The following U2SURP variants were observed in gnomAD, a reference collection of about 807,000 sequenced individuals.
The protein encoded by U2SURP is U2 snRNP associated SURP domain containing, also known as U2 snRNP-associated SURP motif-containing protein.
U2SURP carries 9 observed loss-of-function variants against 144.9 expected under a neutral mutation model. The ratio of observed to expected loss-of-function variants is 0.06; its 90% CI spans 0.04 to 0.11. U2SURP has a LOEUF of 0.11. Among genes scored for constraint, U2SURP ranks in the 10% least tolerant of loss-of-function variants. The pLI, the probability that U2SURP is intolerant of heterozygous loss-of-function variation, is 1.00. For synonymous variants in U2SURP, 408 were observed against 396.8 expected, an observed-to-expected ratio of 1.03 and a Z score of -0.33; for missense variants, 724 against 1,226.7, an observed-to-expected ratio of 0.59 and a Z score of 6.12.
chr3:143,018,902 G>C, intron 6 of U2SURP, among the ~76,000 whole-genome samples: 1 of 152,144 alleles, frequency 6.6e-6, no homozygotes, highest in East Asian at 1.9e-4. Flanking sequence ...TCCAGCCTGG[G>C]CAACAAGAGC....
At chr3:143,042,195 T>C (rs1934151047) in intron 23 of U2SURP, among the ~76,000 whole-genome samples, 1 of 152,076 alleles carries the variant, frequency 6.6e-6, no homozygotes. Flanking sequence ...CTCTCAGGTT[T>C]TTATTTTCTT....
chr3:143,030,207 T>C (rs1933400144), intron 16 of U2SURP, among the ~76,000 whole-genome samples: 1 of 152,178 alleles, frequency 6.6e-6, no homozygotes, highest in Non-Finnish European at 1.5e-5. Flanking sequence ...TTTAGCACTT[T>C]TATAACTAGA....
At chr3:143,024,337 A>T (rs1933002312) in intron 13 of U2SURP, 1 of 374,820 alleles carries the variant, frequency 2.7e-6, no homozygotes, top group Non-Finnish European at 5.0e-6. Context: ...AGTGTGTCGT[A>T]AATTTCAGAT....
intron 1 of U2SURP, among the ~76,000 whole-genome samples, chr3:143,007,991 G>A (rs368784400): frequency 6.6e-6 from 1 of 152,220 alleles, no homozygotes; most frequent in African/African-American, 2.4e-5. Flanking sequence ...CTGTAGGTAT[G>A]TATCAGTGGA....
In U2SURP at chr3:143,024,023, A is replaced by C; in HGVS notation, c.1274+5A>C. 1 of 1,611,972 alleles carries C rather than the reference A, an allele frequency of 6.2e-7. No homozygotes were observed. The highest frequency in any genetic ancestry group is 8.5e-7 in the Non-Finnish European group (1 of 1,178,294). ...AGTGGTTATCCCAACAGAAAGGTAC[A>C]TGTTTTTCTTTATTATTACTGATCT... On this transcript the variant is annotated splice_donor_5th_base_variant and intron_variant, in intron 13 of 27. Transcript: ENST00000473835.
At chr3:143,028,742 T>A (rs2108290711) in intron 16 of U2SURP, 96 bp downstream of exon 16, 1 of 1,061,632 alleles carries the variant, frequency 9.4e-7, no homozygotes, top group Non-Finnish European at 1.3e-6. Context: ...CTAAAATAAA[T>A]TTTTTTCACT....
At position 143,058,536 on chromosome 3, in the gene U2SURP, G is replaced by C. The variant is rs990856916; in HGVS notation, c.*2086G>C. Reference sequence around the variant, plus strand: ...AGGCCTGATAGAATATATATTCTGTGAAGTTTGTTAATGTACATATTAGAT... The same window carrying C: ...AGGCCTGATAGAATATATATTCTGTCAAGTTTGTTAATGTACATATTAGAT... On this transcript the variant is annotated 3_prime_UTR_variant, in exon 28 of 28. Transcript: ENST00000473835. 2.0e-5 allele frequency: 3 copies of C among 151,776 alleles called. No homozygotes were observed. 9.4% of individuals were successfully genotyped at this position (151,776 alleles called of 1,614,324 possible).
chr3:143,023,130 T>C, intron 12 of U2SURP, 66 bp downstream of exon 12: 1 of 1,322,000 alleles, frequency 7.6e-7, no homozygotes. Context: ...GTAGTATTTC[T>C]TTTCAACAAT....
chr3:143,043,082 C>T (rs371469709), intron 23 of U2SURP, 35 bp from the exon 24 acceptor site: 3 of 1,561,502 alleles, frequency 1.9e-6, no homozygotes, highest in Middle Eastern at 2.3e-4. Flanking sequence ...TCTCTTGCTG[C>T]CTTGACATAC....
At chr3:143,018,531 T>C (rs1936488430) in intron 6 of U2SURP, among the ~76,000 whole-genome samples, 1 of 152,186 alleles carries the variant, frequency 6.6e-6, no homozygotes. Flanking sequence ...GCTTTTTTTG[T>C]GTGAACTTAT....
rs1488842105 is a variant in U2SURP at position 143,059,598 on chromosome 3, T to C, written c.*3148T>C. 2 of 151,954 alleles carry C rather than the reference T, an allele frequency of 1.3e-5. No homozygotes were observed. The highest frequency in any genetic ancestry group is 6.6e-5 in the Admixed American group (1 of 15,242). 9.4% of individuals were successfully genotyped at this position (151,954 alleles called of 1,614,324 possible). ...CAAAATAAGGGTAAATAAATCTCTGTATTGCCAAAGTGACTTAAACTGTTC... is the reference window on the plus strand; with the variant it reads ...CAAAATAAGGGTAAATAAATCTCTGCATTGCCAAAGTGACTTAAACTGTTC... On this transcript the variant is annotated 3_prime_UTR_variant, in exon 28 of 28. Coordinates refer to ENST00000473835, the MANE Select transcript of U2SURP (RefSeq NM_001080415.2).
At chr3:143,027,791 C>G (rs577517415) in intron 14 of U2SURP, among the ~76,000 whole-genome samples, 1 of 152,176 alleles carries the variant, frequency 6.6e-6, no homozygotes, top group South Asian at 2.1e-4. Context: ...TTTTAGTAAT[C>G]AGAGTAGAAT....
chr3:143,003,677 C>CTTTTTTTTTTTTTTTT (rs60505715), intron 1 of U2SURP, among the ~76,000 whole-genome samples: 14 of 101,508 alleles, frequency 1.4e-4, no homozygotes, highest in Admixed American at 2.5e-4. Context: ...TATTTTATTT[C>CTTTTTTTTTTTTTTTT]TTTTTTTTTT....
intron 24 of U2SURP, among the ~76,000 whole-genome samples, chr3:143,049,362 A>T (rs1934726440): frequency 6.6e-6 from 1 of 151,970 alleles, no homozygotes. Context: ...GGTAACAAGC[A>T]AATGAAGTCT....
chr3:143,014,448 G>A, intron 4 of U2SURP, 39 bp downstream of exon 4: 1 of 1,406,420 alleles, frequency 7.1e-7, no homozygotes, highest in Non-Finnish European at 9.9e-7. Context: ...CCTTGGAAAT[G>A]AATGTGTCTA....
intron 13 of U2SURP, chr3:143,025,944 G>T (rs113151908): frequency 1.3e-5 from 2 of 152,114 alleles, no homozygotes; most frequent in East Asian, 3.9e-4. Context: ...AGTCTGTCTT[G>T]TTCTATAACT....
rs1935314829 is a variant in U2SURP, at chr3:143,060,147, G to C, written c.*3697G>C. 6.6e-6 allele frequency: 1 copy of C among 152,374 alleles called. No individual in the cohort carries two copies. Among genetic ancestry groups the C allele is most frequent in the African/African-American group, 2.4e-5 (1 of 41,404 alleles). The allele number at this position is 152,374 out of a possible 1,614,324, so 9.4% of individuals were successfully genotyped here. ...ATATGTATAATTGGTAATTTGTATA[G>C]TTTTGTAGATTGTAGATTAAATGCA... On this transcript the variant is annotated 3_prime_UTR_variant, in exon 28 of 28. Coordinates refer to ENST00000473835, the MANE Select transcript of U2SURP (RefSeq NM_001080415.2).
chr3:143,009,425 C>T (rs142598563), intron 1 of U2SURP, among the ~76,000 whole-genome samples: 9 of 152,082 alleles, frequency 5.9e-5, no homozygotes, highest in African/African-American at 1.9e-4. Context: ...TGGTAAAACT[C>T]CGTCTCTACT....
At chr3:143,053,570 G>A (rs1195524606) in intron 25 of U2SURP, 106 bp from the exon 26 acceptor site, 1 of 808,554 alleles carries the variant, frequency 1.2e-6, no homozygotes, top group African/African-American at 1.8e-5. Flanking sequence ...ACCTTAAGTA[G>A]TAATTTAAAA....
Sources: gnomAD v4.1 joint callset for allele counts (sites outside exome capture counted in the v4.1 genomes callset) on GRCh38, gnomAD v4.1.1 for gene constraint, MANE v1.5 for transcripts, NCBI Gene and HGNC (gene_info 2026-07-23, HGNC 2026-07-21) for gene names.